Variants in CA6 observed in about 807,000 individuals in gnomAD.
CA6 encodes carbonic anhydrase 6.
Under a neutral mutation model 35.9 loss-of-function variants are expected in CA6, and 28 were observed. The ratio of observed to expected loss-of-function variants is 0.78; its 90% CI spans 0.58 to 1.07. The LOEUF is 1.07. CA6 is among the 50% of genes least tolerant of loss of function. The pLI is 0.00. For missense variants in CA6, 377 were observed against 382.0 expected (o/e 0.99, Z 0.11); for synonymous variants, 148 against 152.6 (o/e 0.97, Z 0.22).
chr1:8,963,595 G>A lies in CA6; in HGVS notation c.571+939G>A, dbSNP rs555879301. Reference sequence around the variant, plus strand: ...CTTGGTCTGTTGCATAGGCTGGGGTGCAATGGCGCGATCATGGCTCAGTGC... The same window carrying A: ...CTTGGTCTGTTGCATAGGCTGGGGTACAATGGCGCGATCATGGCTCAGTGC... On this transcript the variant is annotated intron_variant, in intron 5 of 7. Coordinates refer to ENST00000377443, the MANE Select transcript of CA6 (RefSeq NM_001215.4). The surrounding 1 kb of genome is among the most constrained non-coding windows in gnomAD (Gnocchi z 4.1). Among the ~76,000 whole-genome samples the A allele has an allele frequency of 1.3e-5, 2 of 152,318 alleles. No individual in the cohort carries two copies. The highest frequency in any genetic ancestry group is 6.5e-5 in the Admixed American group (1 of 15,288).
intron 1 of CA6, among the ~76,000 whole-genome samples, chr1:8,947,140 T>G (rs1427097032): frequency 6.6e-6 from 1 of 152,074 alleles, no homozygotes; most frequent in East Asian, 1.9e-4. Context: ...TGTAAAATCC[T>G]GGCATTCAAC....
At chr1:8,951,416 C>T (rs1177489118) in intron 2 of CA6, 2 of 760,332 alleles carry the variant, frequency 2.6e-6, no homozygotes, top group Admixed American at 1.7e-5. Context: ...CTCTCTGATG[C>T]TTCCAGATTG....
At chr1:8,967,578 G>A (rs1186937081) in intron 5 of CA6, 81 bp from the exon 6 acceptor site, 2 of 1,132,950 alleles carry the variant, frequency 1.8e-6, no homozygotes, top group Non-Finnish European at 2.6e-6. Flanking sequence ...ATTGGAACCT[G>A]GCGAGGCCTG....
At chr1:8,965,030 G>C (rs928136735) in intron 5 of CA6, among the ~76,000 whole-genome samples, 1 of 152,118 alleles carries the variant, frequency 6.6e-6, no homozygotes, top group Admixed American at 6.6e-5. Context: ...GATCACCTGA[G>C]GTCAGGAGTT....
Position 8,963,780 on chromosome 1 carries a change from A to G in CA6, c.571+1124A>G, listed in dbSNP as rs1234327905. Among the ~76,000 whole-genome samples, 1 of 152,120 alleles carries G rather than the reference A, an allele frequency of 6.6e-6. No homozygotes were observed. Among genetic ancestry groups the G allele is most frequent in the Non-Finnish European group, 1.5e-5 (1 of 68,012 alleles). ...GGTCTTGAACTCCTGGGCTCAAGTG[A>G]TCTGCCTGCCTCAACTTCCCAAAAT... On this transcript the variant is annotated intron_variant, in intron 5 of 7. Coordinates refer to ENST00000377443, the MANE Select transcript of CA6 (RefSeq NM_001215.4). The surrounding 1 kb of genome is among the most constrained non-coding windows in gnomAD (Gnocchi z 4.1).
chr1:8,959,857 G>C (rs1176422156), intron 4 of CA6, among the ~76,000 whole-genome samples: 34 of 146,594 alleles, frequency 2.3e-4, no homozygotes, highest in Non-Finnish European at 6.0e-5. Flanking sequence ...ACTTGAACCC[G>C]GGAGGTGGAG....
intron 4 of CA6, among the ~76,000 whole-genome samples, chr1:8,960,216 G>A (rs1477786608): frequency 1.3e-5 from 2 of 150,014 alleles, no homozygotes; most frequent in African/African-American, 5.0e-5. Flanking sequence ...GGATGACAGA[G>A]CGAGACTCCG....
chr1:8,973,817 CTCTT>C (rs1640195253), intron 7 of CA6, among the ~76,000 whole-genome samples: 1 of 144,396 alleles, frequency 6.9e-6, no homozygotes, highest in Non-Finnish European at 1.5e-5. Flanking sequence ...CTCTCTCTCT[CTCTT>C]TCTTCCTCTC....
At chr1:8,961,936 C>T (rs1243517192) in intron 4 of CA6, among the ~76,000 whole-genome samples, 1 of 152,100 alleles carries the variant, frequency 6.6e-6, no homozygotes, top group Admixed American at 6.6e-5. Context: ...CTGTGGCTGA[C>T]ACTGCCCAAA....
At chr1:8,947,907 C>T (rs756355939) in intron 1 of CA6, among the ~76,000 whole-genome samples, 11 of 149,912 alleles carry the variant, frequency 7.3e-5, no homozygotes, top group Admixed American at 5.3e-4. Context: ...TGCAGTGGCG[C>T]GATCTCGGCT....
chr1:8,967,782 T>C lies in CA6; in HGVS notation c.695T>C (p.Val232Ala), dbSNP rs1470460045. The C allele has an allele frequency of 6.2e-7, 1 of 1,614,116 alleles. No individual in the cohort carries two copies. Among genetic ancestry groups the C allele is most frequent in the Non-Finnish European group, 8.5e-7 (1 of 1,180,014 alleles). ...PPCTENVHWF[V>A]LADFVKLSRT... ...TGCACTGAGAACGTCCACTGGTTTG[T>C]GCTGGCAGATTTTGTCAAGCTCTCC... Residue 232 changes from valine (V) to alanine (A), a missense_variant, in exon 6 of 8, where the codon GTG becomes GCG. By Grantham distance (64) the Val-to-Ala change is moderately conservative. Coordinates refer to ENST00000377443, the MANE Select transcript of CA6 (RefSeq NM_001215.4).
At chr1:8,949,964 G>A (rs986612505) in intron 2 of CA6, among the ~76,000 whole-genome samples, 13 of 152,044 alleles carry the variant, frequency 8.6e-5, no homozygotes, top group Non-Finnish European at 1.8e-4. Flanking sequence ...TCAGGAATCC[G>A]ATATGAGAAA....
intron 1 of CA6, among the ~76,000 whole-genome samples, chr1:8,947,511 A>T (rs996159234): frequency 9.2e-5 from 14 of 152,080 alleles, no homozygotes; most frequent in African/African-American, 3.4e-4. Context: ...GTGATCTTAC[A>T]CATGGCAGTG....
intron 7 of CA6, among the ~76,000 whole-genome samples, chr1:8,972,533 G>A (rs552125268): frequency 6.6e-6 from 1 of 152,176 alleles, no homozygotes; most frequent in Admixed American, 6.5e-5. Flanking sequence ...TTAGCCAGGC[G>A]AGGTGGCGGG....
At chr1:8,964,953 A>G (rs377212004) in intron 5 of CA6, among the ~76,000 whole-genome samples, 1 of 152,036 alleles carries the variant, frequency 6.6e-6, no homozygotes, top group Non-Finnish European at 1.5e-5. Flanking sequence ...ATTAAAACTT[A>G]CCACTTAAGG....
In CA6 at chr1:8,974,059, A is replaced by C. The variant is rs149454450; in HGVS notation, c.845-563A>C. 7.1e-3 allele frequency among the ~76,000 whole-genome samples: 1,083 copies of C among 152,164 alleles called. 12 individuals are homozygous for C. The highest frequency in any genetic ancestry group is 0.026 in the African/African-American group (1,063 of 41,518). ...AGGCTGGTCTCGAACTCCTGAGCTC[A>C]AGCAATCCACCCACTTCAGCCTCCC... On this transcript the variant is annotated intron_variant, in intron 7 of 7. Coordinates refer to ENST00000377443, the MANE Select transcript of CA6 (RefSeq NM_001215.4).
intron 2 of CA6, chr1:8,952,134 C>T (rs72641557): frequency 0.096 from 13,915 of 145,390 alleles, 825 homozygotes; most frequent in East Asian, 0.19. Context: ...TTCCATTTTT[C>T]GATGTAAAGG....
Position 8,957,270 on chromosome 1 carries a change from C to T in CA6, c.393C>T (p.Ile131=), listed in dbSNP as rs866610030. 6.2e-7 allele frequency: 1 copy of T among 1,612,892 alleles called. No homozygotes were observed. The highest frequency in any genetic ancestry group is 8.5e-7 in the Non-Finnish European group (1 of 1,179,366). The change falls in exon 3 of 8, where the codon ATC becomes ATT. Residue 131 remains isoleucine (I), a synonymous_variant. Coordinates refer to ENST00000377443, the MANE Select transcript of CA6 (RefSeq NM_001215.4). ...ISGSEHTVDG[I]RHVIEIHIVH... is the part of the protein sequence containing the mutation. ...GCTCTGAGCACACCGTGGACGGGAT[C>T]AGACATGTGATCGAGGTACCTGAGG...
intron 5 of CA6, 117 bp from the exon 6 acceptor site, chr1:8,967,542 C>T (rs1639999961): frequency 1.3e-6 from 1 of 760,330 alleles, no homozygotes; most frequent in Non-Finnish European, 2.2e-6. Context: ...TAATCATCAG[C>T]TTCTATGTTC....
Sources: allele counts gnomAD v4.1 joint callset (sites outside exome capture counted in the v4.1 genomes callset), GRCh38; gene constraint gnomAD v4.1.1; non-coding constraint Gnocchi (gnomAD v3.1); transcripts MANE v1.5; gene names NCBI Gene and HGNC (gene_info 2026-07-23, HGNC 2026-07-21).